AGMO: variants seen among roughly 807,000 people sequenced by gnomAD.
The protein encoded by AGMO is glyceryl-ether monooxygenase.
In AGMO, 75 loss-of-function variants were observed where a neutral mutation model predicts 60.2. The ratio of observed to expected loss-of-function variants is 1.25; its 90% CI spans 1.03 to 1.51. The LOEUF (loss-of-function observed/expected upper bound fraction) is 1.51. Ranked by LOEUF, AGMO falls within the 40% of genes most tolerant of loss-of-function variation. The probability of loss-of-function intolerance (pLI) is 0.00; values close to 1 mark genes in which losing one functional copy is unlikely to be tolerated. For missense variants in AGMO, 763 were observed against 525.5 expected (o/e 1.45, Z -4.42); for synonymous variants, 261 against 177.1 (o/e 1.47, Z -3.76).
chr7:15,179,812 T>C, the AGMO span, among the ~76,000 whole-genome samples: 1 of 152,212 alleles, frequency 6.6e-6, no homozygotes, highest in African/African-American at 2.4e-5. Flanking sequence ...CTTTCCATTC[T>C]GTAAGCTTGC....
At chr7:15,139,489 T>C in the AGMO span, among the ~76,000 whole-genome samples, 1 of 152,140 alleles carries the variant, frequency 6.6e-6, no homozygotes, top group Non-Finnish European at 1.5e-5. Context: ...TCATTAGTTA[T>C]TTGTCCTACT....
chr7:15,560,448 T>C (rs539838228), intron 1 of AGMO, among the ~76,000 whole-genome samples, 177 bp from the exon 2 acceptor site: 2 of 152,296 alleles, frequency 1.3e-5, no homozygotes, highest in Non-Finnish European at 2.9e-5. Flanking sequence ...CTAATTATTT[T>C]AGACATACAC....
In AGMO at chr7:15,365,568, C is replaced by T. The variant is rs779427580; in HGVS notation, c.1209G>A (p.Leu403=). The T allele has an allele frequency of 1.5e-5, 24 of 1,612,610 alleles. No homozygotes were observed. Among genetic ancestry groups the T allele is most frequent in the African/African-American group, 4.0e-5 (3 of 74,784 alleles). ...GAGGCTTCAGGTGACCAAATCGGTA[C>T]AGCATTAAGAACATCAAGCAACGGA... The part of the protein sequence containing the change: ...ETLRCLMFLM[L]YRFGHLKPLV... Residue 403 remains leucine (L), a synonymous_variant, in exon 12 of 13, where the codon CTG becomes CTA. Coordinates refer to ENST00000342526, the MANE Select transcript of AGMO (RefSeq NM_001004320.2).
intron 10 of AGMO, among the ~76,000 whole-genome samples, chr7:15,376,856 C>T (rs1215430704): frequency 6.6e-6 from 1 of 152,044 alleles, no homozygotes; most frequent in Non-Finnish European, 1.5e-5. Context: ...AAACTAAACA[C>T]TATATATTTA....
chr7:15,477,380 C>A (rs573939939), intron 3 of AGMO, among the ~76,000 whole-genome samples: 13 of 152,198 alleles, frequency 8.5e-5, no homozygotes, highest in African/African-American at 2.9e-4. Flanking sequence ...TTGTTACATA[C>A]ACAGTCACTC....
At chr7:15,291,124 T>C (rs1162095956) in intron 12 of AGMO, among the ~76,000 whole-genome samples, 4 of 152,212 alleles carry the variant, frequency 2.6e-5, no homozygotes, top group Non-Finnish European at 5.9e-5. Context: ...ATTTACAATT[T>C]CCCTTAAGGT....
At chr7:15,528,614 G>A (rs1174845093) in intron 3 of AGMO, among the ~76,000 whole-genome samples, 3 of 152,024 alleles carry the variant, frequency 2.0e-5, no homozygotes, top group African/African-American at 7.2e-5. Flanking sequence ...GTACTAGGAG[G>A]AACAATCAGA....
At chr7:15,230,910 G>T (rs572201683) in intron 12 of AGMO, among the ~76,000 whole-genome samples, 5 of 152,154 alleles carry the variant, frequency 3.3e-5, no homozygotes, top group Admixed American at 6.5e-5. Flanking sequence ...GAAATGGAAC[G>T]AGGGAAGTCA....
chr7:15,382,289 C>G (rs966741315), intron 10 of AGMO, among the ~76,000 whole-genome samples: 4 of 152,156 alleles, frequency 2.6e-5, no homozygotes, highest in African/African-American at 9.7e-5. Context: ...CCAGCCAAAA[C>G]ATATCTCCCA....
At chr7:15,225,074 T>C (rs1035960293) in intron 12 of AGMO, among the ~76,000 whole-genome samples, 1 of 151,956 alleles carries the variant, frequency 6.6e-6, no homozygotes, top group Non-Finnish European at 1.5e-5. Context: ...TTTTTTTCTT[T>C]TTTCTTTCAC....
At chr7:15,559,572 G>T (rs1055212178) in intron 2 of AGMO, among the ~76,000 whole-genome samples, 1 of 152,044 alleles carries the variant, frequency 6.6e-6, no homozygotes, top group Non-Finnish European at 1.5e-5. Flanking sequence ...AAATAGACAG[G>T]AGAGTGGACG....
intron 12 of AGMO, among the ~76,000 whole-genome samples, chr7:15,219,803 T>A (rs564315949): frequency 6.6e-6 from 1 of 152,280 alleles, no homozygotes; most frequent in African/African-American, 2.4e-5. Flanking sequence ...TTAAAGGATT[T>A]GAGGGGATTA....
At chr7:15,370,569 TAAC>T (rs1475506996) in intron 10 of AGMO, among the ~76,000 whole-genome samples, 1 of 152,180 alleles carries the variant, frequency 6.6e-6, no homozygotes, top group Non-Finnish European at 1.5e-5. Flanking sequence ...TTTGATTTTT[TAAC>T]AATAGCCATT....
intron 12 of AGMO, among the ~76,000 whole-genome samples, chr7:15,259,597 A>G (rs1373757245): frequency 6.6e-6 from 1 of 152,130 alleles, no homozygotes; most frequent in Non-Finnish European, 1.5e-5. Context: ...TCGCCTAGGC[A>G]CATAGTCATC....
intron 10 of AGMO, among the ~76,000 whole-genome samples, chr7:15,369,031 A>G (rs1783097059): frequency 6.6e-6 from 1 of 152,072 alleles, no homozygotes; most frequent in South Asian, 2.1e-4. Flanking sequence ...GATACCTCCT[A>G]GCCTTCTGTT....
intron 10 of AGMO, among the ~76,000 whole-genome samples, chr7:15,373,968 G>C (rs1783339347): frequency 6.6e-6 from 1 of 152,120 alleles, no homozygotes; most frequent in African/African-American, 2.4e-5. Flanking sequence ...CAGCAGATTG[G>C]CTTTCTTGGC....
chr7:15,462,986 C>T (rs1218495169), intron 3 of AGMO, among the ~76,000 whole-genome samples: 2 of 152,126 alleles, frequency 1.3e-5, no homozygotes, highest in African/African-American at 2.4e-5. Context: ...CCCAGAATTT[C>T]ACTGTAAAAT....
chr7:15,374,604 C>G (rs1283745925), intron 10 of AGMO, among the ~76,000 whole-genome samples: 1 of 121,688 alleles, frequency 8.2e-6, no homozygotes, highest in Non-Finnish European at 1.8e-5. Context: ...CAAACAATAG[C>G]AATATATCTG....
chr7:15,144,545 C>T, the AGMO span, among the ~76,000 whole-genome samples: 1 of 152,094 alleles, frequency 6.6e-6, no homozygotes, highest in Admixed American at 6.5e-5. Flanking sequence ...AATACGTGTA[C>T]GTGTATAGAG....
Sources: allele counts gnomAD v4.1 joint callset (sites outside exome capture counted in the v4.1 genomes callset), GRCh38; gene constraint gnomAD v4.1.1; transcripts MANE v1.5; gene names NCBI Gene and HGNC (gene_info 2026-07-23, HGNC 2026-07-21).